Variants in ADAM19 observed in about 807,000 individuals in gnomAD.
ADAM19 encodes the protein disintegrin and metalloproteinase domain-containing protein 19.
In ADAM19, 65 loss-of-function variants were observed where a neutral mutation model predicts 114.7. The ratio of observed to expected loss-of-function variants is 0.57; its 90% CI spans 0.46 to 0.70. ADAM19 has a LOEUF of 0.70. Among genes scored for constraint, ADAM19 ranks in the 30% least tolerant of loss-of-function variants. ADAM19 has a pLI of 0.00. For missense variants in ADAM19, 1,063 were observed against 1,204.7 expected, an observed-to-expected ratio of 0.88 and a Z score of 1.74; for synonymous variants, 466 against 460.5, an observed-to-expected ratio of 1.01 and a Z score of -0.15.
chr5:157,478,803 G>T lies in ADAM19; in HGVS notation c.*2146C>A. The T allele has an allele frequency of 1.0e-6, 1 of 985,892 alleles. No homozygotes were observed. The highest frequency in any genetic ancestry group is 1.2e-6 in the Non-Finnish European group (1 of 829,980). The allele number at this position is 985,892 out of a possible 1,614,324, so 61.1% of individuals were successfully genotyped here. A position where few individuals can be genotyped will look rare whatever the true frequency, so the allele number is the denominator to read the frequency against. ...AAAAAGCAAGAAAACGACAACCCAGGTCTCTTTCTGGTGTGGTTCCAGGGA... is the reference window on the plus strand; with the variant it reads ...AAAAAGCAAGAAAACGACAACCCAGTTCTCTTTCTGGTGTGGTTCCAGGGA... On this transcript the variant is annotated 3_prime_UTR_variant, in exon 23 of 23. Transcript: ENST00000257527.
intron 3 of ADAM19, among the ~76,000 whole-genome samples, chr5:157,553,047 G>A (rs912179005): frequency 6.6e-6 from 1 of 152,158 alleles, no homozygotes. Context: ...GCTGGGAAGG[G>A]TGTAGTGGGG....
In ADAM19 at chr5:157,480,095, A is replaced by C; in HGVS notation, c.*854T>G. The C allele has an allele frequency of 1.0e-6, 1 of 985,928 alleles. No individual in the cohort carries two copies. Among genetic ancestry groups the C allele is most frequent in the Non-Finnish European group, 1.2e-6 (1 of 829,980 alleles). The allele number at this position is 985,928 out of a possible 1,614,324, so 61.1% of individuals were successfully genotyped here. On this transcript the variant is annotated 3_prime_UTR_variant, in exon 23 of 23. Coordinates refer to ENST00000257527, the MANE Select transcript of ADAM19 (RefSeq NM_033274.5). Reference sequence around the variant, plus strand: ...GGTCACCCGAAGGTCAGGACTGCTGAGGGTTTGCTCACCAAAGCACCACAC... The same window carrying C: ...GGTCACCCGAAGGTCAGGACTGCTGCGGGTTTGCTCACCAAAGCACCACAC...
rs115354664 is a variant in ADAM19, at chr5:157,507,222, C to T, written c.906-82G>A. The T allele has an allele frequency of 2.8e-4, 398 of 1,415,072 alleles. No homozygotes were observed. The African/African-American group carries it at 4.8e-3, about 17-fold the overall frequency. The allele number at this position is 1,415,072 out of a possible 1,614,324, so 87.7% of individuals were successfully genotyped here. On this transcript the variant is annotated intron_variant, in intron 9 of 22. Coordinates refer to ENST00000257527, the MANE Select transcript of ADAM19 (RefSeq NM_033274.5). ...TGTGCCTGGGAGTAAGTGGCCATCA[C>T]GGGGTTCCCTGGACCCGCTGACTTT...
intron 5 of ADAM19, 105 bp from the exon 6 acceptor site, chr5:157,520,136 G>A: frequency 8.7e-7 from 1 of 1,152,612 alleles, no homozygotes; most frequent in South Asian, 1.5e-5. Flanking sequence ...AGTGGGTTTT[G>A]ATCATTGGTT....
At chr5:157,526,054 TGAGA>T (rs1444645598) in intron 5 of ADAM19, among the ~76,000 whole-genome samples, 1 of 152,010 alleles carries the variant, frequency 6.6e-6, no homozygotes, top group Non-Finnish European at 1.5e-5. Flanking sequence ...ATTAAAAGAA[TGAGA>T]TAGATCTATG....
At chr5:157,517,043 G>A (rs1489449190) in intron 7 of ADAM19, among the ~76,000 whole-genome samples, 1 of 151,990 alleles carries the variant, frequency 6.6e-6, no homozygotes, top group Non-Finnish European at 1.5e-5. Context: ...ATGTTCCCTC[G>A]GCCCGGAATG....
rs561222783 is a variant in ADAM19 at position 157,562,018 on chromosome 5, T to A, written c.251+2355A>T. On this transcript the variant is annotated intron_variant, in intron 3 of 22. Coordinates refer to ENST00000257527, the MANE Select transcript of ADAM19 (RefSeq NM_033274.5). ...CCCAGGGCCTAGTTTCCCCCAAATG[T>A]CATGAGATTATAGAAACTTCAACAC... Among the ~76,000 whole-genome samples the A allele has an allele frequency of 1.1e-4, 16 of 151,914 alleles. No homozygotes were observed. The South Asian group carries it at 3.3e-3, about 32-fold the overall frequency.
At chr5:157,534,391 C>A (rs1377924712) in intron 4 of ADAM19, among the ~76,000 whole-genome samples, 3 of 152,176 alleles carry the variant, frequency 2.0e-5, no homozygotes, top group African/African-American at 7.2e-5. Context: ...CTGCTTGAAT[C>A]CGGGAGGCAG....
intron 3 of ADAM19, among the ~76,000 whole-genome samples, chr5:157,544,162 A>G (rs1756989083): frequency 6.6e-6 from 1 of 152,204 alleles, no homozygotes; most frequent in Non-Finnish European, 1.5e-5. Flanking sequence ...TCCTAGAGTA[A>G]AAAATTGGGA....
chr5:157,572,663 T>C (rs1423045352), intron 1 of ADAM19, among the ~76,000 whole-genome samples: 1 of 152,202 alleles, frequency 6.6e-6, no homozygotes, highest in Non-Finnish European at 1.5e-5. Flanking sequence ...AAACAATGCA[T>C]TCATATATTT....
intron 3 of ADAM19, among the ~76,000 whole-genome samples, chr5:157,552,403 G>C (rs1366726793): frequency 1.3e-5 from 2 of 151,992 alleles, no homozygotes; most frequent in Non-Finnish European, 2.9e-5. Context: ...TGTAATCCTA[G>C]CACTTTGGGA....
chr5:157,491,796 C>T lies in ADAM19; in HGVS notation c.1986+39G>A, dbSNP rs374726786. On this transcript the variant is annotated intron_variant, in intron 17 of 22. Coordinates refer to ENST00000257527, the MANE Select transcript of ADAM19 (RefSeq NM_033274.5). ...CCACCCACAGGGCCTGCCCTCATGA[C>T]GTCCCCATGACACAGAGAAGCCAGA... 47 of 1,612,572 alleles carry T rather than the reference C, an allele frequency of 2.9e-5. No homozygotes were observed. The East Asian group carries it at 6.2e-4, about 21-fold the overall frequency.
intron 8 of ADAM19, among the ~76,000 whole-genome samples, chr5:157,512,858 C>T (rs937987955): frequency 5.3e-5 from 8 of 152,222 alleles, no homozygotes; most frequent in African/African-American, 1.9e-4. Flanking sequence ...GCCCACTTCT[C>T]AACTTTTAAG....
chr5:157,490,383 A>T lies in ADAM19; in HGVS notation c.2167T>A (p.Cys723Ser), dbSNP rs1755112013. Residue 723 changes from cysteine to serine, a missense_variant, in exon 19 of 23, where the codon TGC (cysteine) becomes AGC (serine). Transcript: ENST00000257527. ...VLAVLMLMYYCCRQNNKLGQL... is the reference protein window; with the variant it reads ...VLAVLMLMYYSCRQNNKLGQL... Reference sequence around the variant, plus strand: ...CCTAGTTTGTTGTTCTGTCTGCAGCAGTAGTACATCAGCATGAGGACCGCC... The same window carrying T: ...CCTAGTTTGTTGTTCTGTCTGCAGCTGTAGTACATCAGCATGAGGACCGCC... 6.2e-7 allele frequency: 1 copy of T among 1,614,050 alleles called. No individual in the cohort carries two copies.
chr5:157,572,349 C>CA (rs1757855118), intron 1 of ADAM19: 2 of 440,438 alleles, frequency 4.5e-6, no homozygotes, highest in Non-Finnish European at 9.1e-6. Flanking sequence ...CTGCAGAACT[C>CA]AAATACTGGC....
At chr5:157,573,618 TG>T in intron 1 of ADAM19, among the ~76,000 whole-genome samples, 1 of 152,012 alleles carries the variant, frequency 6.6e-6, no homozygotes, top group East Asian at 1.9e-4. Flanking sequence ...TGGTGGCACA[TG>T]CCAATAAGCC....
chr5:157,518,627 A>T (rs1756168581), intron 7 of ADAM19, among the ~76,000 whole-genome samples, 196 bp downstream of exon 7: 1 of 152,246 alleles, frequency 6.6e-6, no homozygotes, highest in South Asian at 2.1e-4. Flanking sequence ...CAGGTGATCC[A>T]CCCGCCTTGC....
intron 3 of ADAM19, among the ~76,000 whole-genome samples, chr5:157,557,119 G>A (rs1757388602): frequency 6.6e-6 from 1 of 152,080 alleles, no homozygotes; most frequent in Non-Finnish European, 1.5e-5. Context: ...CATTGCCCAG[G>A]CTGGTCTCGA....
At chr5:157,483,944 CTT>C (rs397771063) in intron 21 of ADAM19, among the ~76,000 whole-genome samples, 14 of 143,708 alleles carry the variant, frequency 9.7e-5, no homozygotes, top group Admixed American at 2.1e-4. Context: ...TTGAACATTC[CTT>C]TTTTTTTTTT....
Sources: gnomAD v4.1 joint callset for allele counts (sites outside exome capture counted in the v4.1 genomes callset) on GRCh38, gnomAD v4.1.1 for gene constraint, MANE v1.5 for transcripts, NCBI Gene and HGNC (gene_info 2026-07-23, HGNC 2026-07-21) for gene names.